Variants in REG1A observed in about 807,000 individuals in gnomAD.
REG1A encodes lithostathine-1-alpha.
Under a neutral mutation model 20.7 loss-of-function variants are expected in REG1A, and 20 were observed. The observed-to-expected ratio is 0.97, with a 90% CI of 0.68 to 1.41. REG1A has a LOEUF of 1.41. REG1A is among the 40% of genes most tolerant of loss of function. REG1A has a pLI of 0.00. For synonymous variants in REG1A, 90 were observed against 71.6 expected, an observed-to-expected ratio of 1.26 and a Z score of -1.30; for missense variants, 193 against 201.8, an observed-to-expected ratio of 0.96 and a Z score of 0.26.
chr2:79,121,092 T>C (rs917069638), intron 2 of REG1A, among the ~76,000 whole-genome samples, 167 bp downstream of exon 2: 2 of 151,846 alleles, frequency 1.3e-5, no homozygotes, highest in African/African-American at 4.8e-5. Flanking sequence ...TTTATATACA[T>C]CCACACCTCA....
At position 79,122,083 on chromosome 2, in the gene REG1A, T is replaced by C. The variant is rs778639370; in HGVS notation, c.279T>C (p.Thr93=). ...CCTCACTGATTAAGGAGAGTGGCAC[T>C]GATGACTTCAATGTCTGGATTGGCC... The part of the protein sequence containing the change: ...FVASLIKESG[T]DDFNVWIGLH... Residue 93 remains threonine, a synonymous_variant, in exon 4 of 6, where the codon ACT becomes ACC. Transcript: ENST00000233735. 1.6e-5 allele frequency: 26 copies of C among 1,614,110 alleles called. No homozygotes were observed. In the South Asian group the frequency reaches 2.7e-4, roughly 17 times the overall value.
chr2:79,122,319 G>T (rs768005985), intron 4 of REG1A, 194 bp downstream of exon 4: 3 of 565,468 alleles, frequency 5.3e-6, no homozygotes, highest in Non-Finnish European at 9.1e-6. Flanking sequence ...TTTCCTAGGT[G>T]TTCTTGTCAT....
chr2:79,121,720 G>T, intron 3 of REG1A, 40 bp downstream of exon 3: 2 of 1,579,162 alleles, frequency 1.3e-6, no homozygotes, highest in South Asian at 2.2e-5. Context: ...GACTCATGAA[G>T]GGAGGGGAAG....
rs765977184 is a variant in REG1A at position 79,120,944 on chromosome 2, C to T, written c.64+19C>T. On this transcript the variant is annotated intron_variant, in intron 2 of 5. Transcript: ENST00000233735. ...AGCCAAGGTAAGATCTCTTTTCCAC[C>T]AACCAACTCTTTCTAGCCCTGAAGA... The T allele has an allele frequency of 8.7e-6, 14 of 1,606,164 alleles. No homozygotes were observed. The highest frequency in any genetic ancestry group is 9.4e-6 in the Non-Finnish European group (11 of 1,173,964).
intron 3 of REG1A, 91 bp downstream of exon 3, chr2:79,121,771 G>T (rs1235867051): frequency 7.3e-7 from 1 of 1,365,688 alleles, no homozygotes; most frequent in Admixed American, 1.7e-5. Context: ...AATGAGATGA[G>T]ACTGAACCCC....
intron 4 of REG1A, among the ~76,000 whole-genome samples, chr2:79,122,402 T>C (rs918074912): frequency 6.6e-5 from 10 of 152,210 alleles, no homozygotes; most frequent in Non-Finnish European, 1.2e-4. Context: ...ATTTTGTTAC[T>C]GTCAGAGTCA....
Position 79,123,361 on chromosome 2 carries a change from A to G in REG1A, c.*146A>G, listed in dbSNP as rs1672916700. 1.8e-6 allele frequency: 1 copy of G among 561,336 alleles called. No homozygotes were observed. Among genetic ancestry groups the G allele is most frequent in the Non-Finnish European group, 3.2e-6 (1 of 311,650 alleles). 34.8% of individuals were successfully genotyped at this position (561,336 alleles called of 1,614,324 possible). On this transcript the variant is annotated 3_prime_UTR_variant, in exon 6 of 6. Transcript: ENST00000233735. ...TTGTTAATCTTCAATAGTTTTACCT[A>G]CCCCAGTCTTTGGAACCCTAAATAA...
Position 79,123,222 on chromosome 2 carries a change from C to T in REG1A, c.*7C>T, listed in dbSNP as rs770187974. On this transcript the variant is annotated 3_prime_UTR_variant, in exon 6 of 6. Transcript: ENST00000233735. The stretch of plus-strand genomic sequence containing the variant: ...CTGCAAGTTCAAAAACTAGAGGCAA[C>T]TGGAAAATACATGTCTAGAACTGAT... 1.5e-5 allele frequency: 23 copies of T among 1,574,420 alleles called. No homozygotes were observed. In the South Asian group the frequency reaches 2.6e-4, roughly 17 times the overall value.
chr2:79,122,806 G>T, intron 4 of REG1A, 35 bp from the exon 5 acceptor site: 1 of 1,464,430 alleles, frequency 6.8e-7, no homozygotes, highest in South Asian at 1.1e-5. Flanking sequence ...ATTTTTGAGT[G>T]ACCACTGCCT....
intron 1 of REG1A, 47 bp from the exon 2 acceptor site, chr2:79,120,769 C>T (rs1672870806): frequency 3.0e-6 from 3 of 988,108 alleles, no homozygotes; most frequent in Non-Finnish European, 4.4e-6. Context: ...GTAATAGGTG[C>T]TTTGCTCTCC....
chr2:79,122,170 G>T (rs2104064728), intron 4 of REG1A, 45 bp downstream of exon 4: 2 of 1,594,024 alleles, frequency 1.3e-6, no homozygotes, highest in Non-Finnish European at 1.7e-6. Flanking sequence ...GGTTTGAGAA[G>T]TAAGAAGGAG....
intron 1 of REG1A, 146 bp downstream of exon 1, chr2:79,120,660 G>T: frequency 2.4e-6 from 1 of 420,092 alleles, no homozygotes; most frequent in Non-Finnish European, 4.2e-6. Context: ...CAGTTACTGA[G>T]TCTGTATAAT....
chr2:79,123,090 C>A, intron 5 of REG1A, 58 bp from the exon 6 acceptor site: 1 of 1,492,410 alleles, frequency 6.7e-7, no homozygotes, highest in Non-Finnish European at 9.3e-7. Context: ...AGTCCTAAAG[C>A]CAGGAGGGTC....
At chr2:79,123,117 C>T (rs1161714195) in intron 5 of REG1A, 31 bp from the exon 6 acceptor site, 2 of 1,576,570 alleles carry the variant, frequency 1.3e-6, no homozygotes, top group Non-Finnish European at 1.7e-6. Context: ...TTTCGGGTCT[C>T]CCAGTTGTAA....
Position 79,122,441 on chromosome 2 carries a change from G to A in REG1A, c.321+316G>A, listed in dbSNP as rs79837966. ...GAGAGACTAGATTGCCGACTATATA[G>A]GAAAGGAGACTTGTGGTAAAAATCT... On this transcript the variant is annotated intron_variant, in intron 4 of 5. Coordinates refer to ENST00000233735, the MANE Select transcript of REG1A (RefSeq NM_002909.5). Among the ~76,000 whole-genome samples, 1,149 of 152,270 alleles carry A rather than the reference G, an allele frequency of 7.5e-3. 31 individuals are homozygous for A. The highest frequency in any genetic ancestry group is 0.056 in the Admixed American group (860 of 15,284).
At position 79,121,665 on chromosome 2, in the gene REG1A, C is replaced by G; in HGVS notation, c.168C>G (p.Thr56=). 6.2e-7 allele frequency: 1 copy of G among 1,614,018 alleles called. No homozygotes were observed. Among genetic ancestry groups the G allele is most frequent in the Non-Finnish European group, 8.5e-7 (1 of 1,179,932 alleles). ...ACTACTTTAATGAAGACCGTGAGAC[C>G]TGGGTTGATGCAGATGTGAGTGAGG... is the stretch of plus-strand genomic sequence containing the variant. ...YCYYFNEDRE[T]WVDADLYCQN... Residue 56 remains threonine (T), a synonymous_variant, in exon 3 of 6, where the codon ACC becomes ACG. Coordinates refer to ENST00000233735, the MANE Select transcript of REG1A (RefSeq NM_002909.5).
intron 4 of REG1A, 83 bp downstream of exon 4, chr2:79,122,208 G>A (rs1672897787): frequency 7.0e-7 from 1 of 1,420,110 alleles, no homozygotes; most frequent in African/African-American, 1.4e-5. Context: ...TTAAGTACCA[G>A]CTTTTATCGC....
Position 79,122,141 on chromosome 2 carries a change from C to A in REG1A, c.321+16C>A. 1 of 1,613,130 alleles carries A rather than the reference C, an allele frequency of 6.2e-7. No individual in the cohort carries two copies. The highest frequency in any genetic ancestry group is 8.5e-7 in the Non-Finnish European group (1 of 1,179,580). On this transcript the variant is annotated intron_variant, in intron 4 of 5. Transcript: ENST00000233735. ...CCCCAAAAAGGTAGGCTGCAGCCTT[C>A]TTTATCTCCTAATGATCAGGTTTGA...
intron 4 of REG1A, among the ~76,000 whole-genome samples, chr2:79,122,555 A>G (rs992441160): frequency 2.0e-5 from 3 of 152,100 alleles, no homozygotes; most frequent in Non-Finnish European, 4.4e-5. Context: ...GCTATGCTGG[A>G]TATGAGGGTC....
Sources: gnomAD v4.1 joint callset for allele counts (sites outside exome capture counted in the v4.1 genomes callset) on GRCh38, gnomAD v4.1.1 for gene constraint, MANE v1.5 for transcripts, NCBI Gene and HGNC (gene_info 2026-07-23, HGNC 2026-07-21) for gene names.